Variants in HS6ST2 observed in about 807,000 individuals in gnomAD.
HS6ST2 encodes heparan sulfate 6-O-sulfotransferase 2.
Under a neutral mutation model 33.0 loss-of-function variants are expected in HS6ST2, and 17 were observed. The ratio of observed to expected loss-of-function variants is 0.52; its 90% confidence interval spans 0.35 to 0.77. The LOEUF is 0.77. HS6ST2 is among the 30% of genes least tolerant of loss of function. The probability of loss-of-function intolerance (pLI) is 0.01; values close to 1 mark genes in which losing one functional copy is unlikely to be tolerated. For missense variants in HS6ST2, 519 were observed against 551.7 expected (o/e 0.94, Z 0.59); for synonymous variants, 248 against 237.1 (o/e 1.05, Z -0.42).
intron 2 of HS6ST2, among the ~76,000 whole-genome samples, chrX:132,836,609 A>T (rs186231928): frequency 1.8e-5 from 2 of 113,022 alleles, no homozygotes. Context: ...CATATCTCAT[A>T]GAAGTGTCCA....
chrX:132,738,954 T>C (rs943014372), intron 2 of HS6ST2, among the ~76,000 whole-genome samples: 2 of 111,548 alleles, frequency 1.8e-5, no homozygotes, highest in South Asian at 3.8e-4. Context: ...AGCCTCAGAG[T>C]GGGAGTCAGG....
At chrX:132,863,491 A>ATTTTT (rs113230236) in intron 2 of HS6ST2, among the ~76,000 whole-genome samples, 1 of 94,285 alleles carries the variant, frequency 1.1e-5, no homozygotes, top group Non-Finnish European at 2.1e-5. Context: ...AGCTAACTTA[A>ATTTTT]TTTTTTTTTT....
chrX:132,740,468 G>A (rs774990722), intron 2 of HS6ST2, among the ~76,000 whole-genome samples: 38 of 111,529 alleles, frequency 3.4e-4, no homozygotes, highest in African/African-American at 1.1e-3. Flanking sequence ...TCACAATAGC[G>A]GGGGTGTGGG....
chrX:132,767,545 G>A (rs2064860643), intron 2 of HS6ST2, among the ~76,000 whole-genome samples: 1 of 111,418 alleles, frequency 9.0e-6, no homozygotes, highest in African/African-American at 3.3e-5. Context: ...TTCCTTATAT[G>A]ATGTACACAT....
intron 2 of HS6ST2, among the ~76,000 whole-genome samples, chrX:132,954,076 C>A (rs1283569245): frequency 8.9e-6 from 1 of 112,227 alleles, no homozygotes; most frequent in African/African-American, 3.2e-5. Context: ...AATGGGGATC[C>A]TTTTGTCCAC....
intron 2 of HS6ST2, among the ~76,000 whole-genome samples, chrX:132,720,123 C>T (rs1773225487): frequency 8.9e-6 from 1 of 112,619 alleles, no homozygotes; most frequent in African/African-American, 3.2e-5. Flanking sequence ...TCTCTTCTTT[C>T]AGAAAAGCTG....
chrX:132,702,060 T>G (rs775717374), intron 3 of HS6ST2, among the ~76,000 whole-genome samples: 2 of 112,232 alleles, frequency 1.8e-5, no homozygotes, highest in African/African-American at 6.5e-5. Flanking sequence ...TGTCGGAAAA[T>G]GTATGCTTAA....
intron 2 of HS6ST2, among the ~76,000 whole-genome samples, chrX:132,948,224 G>C (rs764441043): frequency 5.4e-4 from 60 of 111,758 alleles, no homozygotes; most frequent in African/African-American, 1.7e-3. Context: ...GGAAGAACAA[G>C]ATTCTTGACA....
intron 2 of HS6ST2, among the ~76,000 whole-genome samples, chrX:132,911,677 T>C (rs1490436124): frequency 7.3e-5 from 1 of 13,752 alleles, no homozygotes; most frequent in African/African-American, 2.8e-4. Flanking sequence ...CTCGCTCTGT[T>C]GTCCAGGCTG....
chrX:132,915,381 C>A (rs1007683170), intron 2 of HS6ST2, among the ~76,000 whole-genome samples: 5 of 112,308 alleles, frequency 4.5e-5, no homozygotes, highest in Non-Finnish European at 7.5e-5. Context: ...AAATGATGTT[C>A]TTGCAAGCTT....
intron 4 of HS6ST2, among the ~76,000 whole-genome samples, chrX:132,641,394 G>A (rs1013492782): frequency 1.7e-4 from 19 of 112,435 alleles, no homozygotes; most frequent in Non-Finnish European, 3.2e-4. Context: ...TGATCTGCCC[G>A]CCTCGACCTC....
At chrX:132,634,043 G>T (rs243450) in intron 4 of HS6ST2, among the ~76,000 whole-genome samples, 49,492 of 110,870 alleles carry the variant, frequency 0.45, 9,605 homozygotes, top group African/African-American at 0.76. Flanking sequence ...ACGCTGGAAC[G>T]CAATCTATAT....
upstream of HS6ST2, among the ~76,000 whole-genome samples, chrX:132,959,888 G>T (rs1485699047): frequency 8.9e-6 from 1 of 112,209 alleles, no homozygotes; most frequent in Non-Finnish European, 1.9e-5. Flanking sequence ...ATAAGGAACA[G>T]GCCGTTCTCA....
At chrX:132,815,693 C>T (rs868311941) in intron 2 of HS6ST2, among the ~76,000 whole-genome samples, 4 of 111,678 alleles carry the variant, frequency 3.6e-5, no homozygotes, top group Non-Finnish European at 5.6e-5. Flanking sequence ...CTTCTTAGTG[C>T]CTCTCAATAT....
At chrX:132,639,191 C>T (rs2063583288) in intron 4 of HS6ST2, among the ~76,000 whole-genome samples, 1 of 112,121 alleles carries the variant, frequency 8.9e-6, no homozygotes, top group African/African-American at 3.2e-5. Flanking sequence ...AAAGAAATCA[C>T]TCTCCTTTTT....
At chrX:132,656,666 T>C (rs1401397964) in intron 4 of HS6ST2, among the ~76,000 whole-genome samples, 1 of 111,839 alleles carries the variant, frequency 8.9e-6, no homozygotes, top group Non-Finnish European at 1.9e-5. Context: ...TTAGCTCCCA[T>C]GTATAAGTGT....
chrX:132,683,542 G>A (rs1423595709), intron 3 of HS6ST2, among the ~76,000 whole-genome samples: 1 of 112,025 alleles, frequency 8.9e-6, no homozygotes, highest in Non-Finnish European at 1.9e-5. Context: ...GTGCTGGAAG[G>A]TTCTGGTTTA....
At chrX:132,670,789 G>A (rs1463727076) in intron 3 of HS6ST2, among the ~76,000 whole-genome samples, 1 of 112,256 alleles carries the variant, frequency 8.9e-6, no homozygotes, top group Non-Finnish European at 1.9e-5. Context: ...CTCCAGCCCG[G>A]GCAACAGTGC....
In HS6ST2 at chrX:132,936,026, A is replaced by T. The variant is rs866535988; in HGVS notation, c.947+20782T>A. ...CTAGGGAATTGAGAGTTGAAAAAGAATAATAAATTCCATGAAAACAAAAAT... is the reference window on the plus strand; with the variant it reads ...CTAGGGAATTGAGAGTTGAAAAAGATTAATAAATTCCATGAAAACAAAAAT... On this transcript the variant is annotated intron_variant, in intron 2 of 4. Coordinates refer to ENST00000370833, the MANE Select transcript of HS6ST2 (RefSeq NM_001394073.1). 4.7e-5 allele frequency among the ~76,000 whole-genome samples: 5 copies of T among 107,236 alleles called. No individual in the cohort carries two copies. In the East Asian group the frequency reaches 1.5e-3, roughly 32 times the overall value. 93.1% of individuals were successfully genotyped at this position (107,236 alleles called of 115,157 possible).
Sources: gnomAD v4.1 joint callset for allele counts (sites outside exome capture counted in the v4.1 genomes callset) on GRCh38, gnomAD v4.1.1 for gene constraint, MANE v1.5 for transcripts, NCBI Gene and HGNC (gene_info 2026-07-23, HGNC 2026-07-21) for gene names.